SUGCT: variants seen among roughly 807,000 people sequenced by gnomAD.
The protein encoded by SUGCT is succinyl-CoA:glutarate-CoA transferase.
In SUGCT, 41 loss-of-function variants were observed where a neutral mutation model predicts 55.0. That is an observed-to-expected ratio of 0.74 (90% CI 0.58 to 0.97). The LOEUF (loss-of-function observed/expected upper bound fraction) is 0.97. Among genes scored for constraint, SUGCT ranks in the 50% least tolerant of loss-of-function variants. SUGCT has a pLI of 0.00. For missense variants in SUGCT, 568 were observed against 547.8 expected, an observed-to-expected ratio of 1.04 and a Z score of -0.37; for synonymous variants, 187 against 200.4, an observed-to-expected ratio of 0.93 and a Z score of 0.56.
chr7:40,745,779 A>C (rs1239978252), intron 12 of SUGCT, among the ~76,000 whole-genome samples: 1 of 152,238 alleles, frequency 6.6e-6, no homozygotes, highest in Non-Finnish European at 1.5e-5. Context: ...ATTCTGGAGA[A>C]ATTCCCTGCC....
chr7:40,536,264 A>T (rs1794355327), intron 12 of SUGCT, among the ~76,000 whole-genome samples: 1 of 152,202 alleles, frequency 6.6e-6, no homozygotes, highest in African/African-American at 2.4e-5. Flanking sequence ...GGAAGATAAC[A>T]AATGGAATAA....
At chr7:40,958,951 G>A in the SUGCT span, among the ~76,000 whole-genome samples, 1 of 152,198 alleles carries the variant, frequency 6.6e-6, no homozygotes, top group Non-Finnish European at 1.5e-5. Flanking sequence ...GAAGTTTGCT[G>A]GAGGTCCACT....
At chr7:40,666,007 A>G (rs1801610751) in intron 12 of SUGCT, among the ~76,000 whole-genome samples, 2 of 152,122 alleles carry the variant, frequency 1.3e-5, no homozygotes, top group Non-Finnish European at 2.9e-5. Flanking sequence ...GATTTGATCG[A>G]CAGTTTGAGG....
At chr7:40,220,217 T>C (rs1429247209) in intron 6 of SUGCT, among the ~76,000 whole-genome samples, 1 of 152,188 alleles carries the variant, frequency 6.6e-6, no homozygotes, top group African/African-American at 2.4e-5. Context: ...TTTGATGAGA[T>C]GTTGAGAGGC....
intron 10 of SUGCT, among the ~76,000 whole-genome samples, chr7:40,456,420 G>T (rs1296829354): frequency 6.6e-6 from 1 of 152,172 alleles, no homozygotes; most frequent in Non-Finnish European, 1.5e-5. Context: ...CATATTGTTT[G>T]TCTGTGAGCT....
chr7:40,198,015 A>G (rs1485404855), intron 6 of SUGCT, among the ~76,000 whole-genome samples: 1 of 152,118 alleles, frequency 6.6e-6, no homozygotes, highest in South Asian at 2.1e-4. Flanking sequence ...GGCATTGGAG[A>G]TAGATTATAT....
At chr7:40,684,269 T>C (rs182474912) in intron 12 of SUGCT, 273 of 1,285,250 alleles carry the variant, frequency 2.1e-4, no homozygotes, top group Non-Finnish European at 7.4e-5. Flanking sequence ...GTTTCAGGGA[T>C]TAGGACATAG....
chr7:40,439,080 A>G (rs367563274), intron 9 of SUGCT, among the ~76,000 whole-genome samples: 1,539 of 70,966 alleles, frequency 0.022, 178 homozygotes, highest in African/African-American at 0.041. Context: ...ATATATATAT[A>G]TATATATATA....
At chr7:40,925,662 A>G in the SUGCT span, among the ~76,000 whole-genome samples, 1 of 152,200 alleles carries the variant, frequency 6.6e-6, no homozygotes, top group African/African-American at 2.4e-5. Flanking sequence ...AGGAGAAAGT[A>G]GCTGAACCGG....
chr7:40,562,708 CT>C (rs776923864), intron 12 of SUGCT, among the ~76,000 whole-genome samples: 39 of 152,148 alleles, frequency 2.6e-4, no homozygotes, highest in Non-Finnish European at 5.0e-4. Flanking sequence ...GAAGGTTCTC[CT>C]GTTTAGGTCT....
At chr7:40,169,305 T>A (rs1472442052) in intron 1 of SUGCT, among the ~76,000 whole-genome samples, 1 of 152,126 alleles carries the variant, frequency 6.6e-6, no homozygotes, top group Non-Finnish European at 1.5e-5. Flanking sequence ...TGACTGCCTG[T>A]CCTAGGACCC....
At chr7:40,917,865 C>G in the SUGCT span, among the ~76,000 whole-genome samples, 1 of 152,142 alleles carries the variant, frequency 6.6e-6, no homozygotes, top group Non-Finnish European at 1.5e-5. Context: ...CTCTCATGAC[C>G]TCATCTAATC....
At chr7:40,205,459 T>C (rs1413429772) in intron 6 of SUGCT, among the ~76,000 whole-genome samples, 2 of 151,716 alleles carry the variant, frequency 1.3e-5, no homozygotes, top group African/African-American at 4.8e-5. Flanking sequence ...CTGGCCAACA[T>C]GGTGAAACCC....
chr7:40,825,999 G>A (rs1160823398), intron 13 of SUGCT, among the ~76,000 whole-genome samples: 3 of 152,038 alleles, frequency 2.0e-5, no homozygotes, highest in Non-Finnish European at 4.4e-5. Flanking sequence ...ATTTTATTAA[G>A]TGCCTACAGA....
chr7:40,614,246 A>G (rs1171158071), intron 12 of SUGCT, among the ~76,000 whole-genome samples: 1 of 152,108 alleles, frequency 6.6e-6, no homozygotes, highest in South Asian at 2.1e-4. Flanking sequence ...TTGTGTGTCT[A>G]TAGCCAACTT....
At chr7:40,460,726 A>T (rs1562793593) in intron 11 of SUGCT, among the ~76,000 whole-genome samples, 2 of 152,214 alleles carry the variant, frequency 1.3e-5, no homozygotes, top group Admixed American at 1.3e-4. Flanking sequence ...TAGCATCTGT[A>T]ACATACTCAT....
chr7:40,373,730 A>T (rs1784411512), intron 9 of SUGCT, among the ~76,000 whole-genome samples: 1 of 152,118 alleles, frequency 6.6e-6, no homozygotes, highest in Non-Finnish European at 1.5e-5. Flanking sequence ...TTGACTAATT[A>T]TGTTTGTGCC....
the SUGCT span, among the ~76,000 whole-genome samples, chr7:41,027,660 T>C: frequency 2.0e-5 from 3 of 152,202 alleles, no homozygotes; most frequent in Non-Finnish European, 4.4e-5. Context: ...ATTCATGGCA[T>C]TCCACTTGGC....
chr7:40,188,039 C>T (rs1029119634), intron 3 of SUGCT, among the ~76,000 whole-genome samples: 2 of 151,982 alleles, frequency 1.3e-5, no homozygotes, highest in African/African-American at 2.4e-5. Context: ...TTGGCGGGTA[C>T]CTGTAATCCC....
Sources: allele counts gnomAD v4.1 joint callset (sites outside exome capture counted in the v4.1 genomes callset), GRCh38; gene constraint gnomAD v4.1.1; transcripts MANE v1.5; gene names NCBI Gene and HGNC (gene_info 2026-07-23, HGNC 2026-07-21).